Variants in NMU observed in about 807,000 individuals in gnomAD.
The protein encoded by NMU is neuromedin U, also known as neuromedin-U.
NMU carries 29 observed loss-of-function variants against 35.4 expected under a neutral mutation model. That is an observed-to-expected ratio of 0.82 (90% CI 0.61 to 1.12). NMU has a LOEUF of 1.12. Ranked by LOEUF, NMU falls within the 50% of genes most tolerant of loss-of-function variation. The pLI, the probability that NMU is intolerant of heterozygous loss-of-function variation, is 0.00. For synonymous variants in NMU, 78 were observed against 81.3 expected, an observed-to-expected ratio of 0.96 and a Z score of 0.22; for missense variants, 199 against 206.2, an observed-to-expected ratio of 0.97 and a Z score of 0.21.
intron 2 of NMU, among the ~76,000 whole-genome samples, chr4:55,628,635 A>C (rs1734634921): frequency 6.6e-6 from 1 of 151,714 alleles, no homozygotes; most frequent in South Asian, 2.1e-4. Flanking sequence ...AGTAGCTGGG[A>C]TTACAGGCAC....
Position 55,605,354 on chromosome 4 carries a change from G to T in NMU, c.361-5C>A. On this transcript the variant is annotated splice_polypyrimidine_tract_variant and splice_region_variant and intron_variant, in intron 6 of 9. Coordinates refer to ENST00000264218, the MANE Select transcript of NMU (RefSeq NM_006681.4). Reference sequence around the variant, plus strand: ...CAACGGATGCACAACTGACGACTGAGAGGACATGAACACACACGTGAATAA... The same window carrying T: ...CAACGGATGCACAACTGACGACTGATAGGACATGAACACACACGTGAATAA... The T allele has an allele frequency of 6.2e-7, 1 of 1,609,426 alleles. No individual in the cohort carries two copies. Among genetic ancestry groups the T allele is most frequent in the Non-Finnish European group, 8.5e-7 (1 of 1,175,666 alleles).
chr4:55,636,189 G>A lies in NMU; in HGVS notation c.4C>T (p.Leu2=). ...CTGGGGCGGCAGCTCTCTGTTCGCA[G>A]CATCTCGGCGGCTGCGGGAGGCTCG... M[L]RTESCRPRSP... is the part of the protein sequence containing the mutation. Residue 2 remains leucine (L), a synonymous_variant, in exon 1 of 10, where the codon CTG becomes TTG. Transcript: ENST00000264218. The surrounding 1 kb of genome is among the most constrained non-coding windows in gnomAD (Gnocchi z 4.0). 6.7e-7 allele frequency: 1 copy of A among 1,490,168 alleles called. No individual in the cohort carries two copies. Among genetic ancestry groups the A allele is most frequent in the Non-Finnish European group, 8.9e-7 (1 of 1,128,884 alleles). The allele number at this position is 1,490,168 out of a possible 1,614,324, so 92.3% of individuals were successfully genotyped here. A position where few individuals can be genotyped will look rare whatever the true frequency, so the allele number is the denominator to read the frequency against.
chr4:55,598,627 G>A (rs964105216), intron 9 of NMU, among the ~76,000 whole-genome samples: 1 of 152,062 alleles, frequency 6.6e-6, no homozygotes, highest in Non-Finnish European at 1.5e-5. Context: ...CAAAAGAAGA[G>A]GTAACATTCT....
At chr4:55,600,787 C>T (rs1476965057) in intron 7 of NMU, among the ~76,000 whole-genome samples, 1 of 152,034 alleles carries the variant, frequency 6.6e-6, no homozygotes, top group Admixed American at 6.6e-5. Context: ...AAATAATTTC[C>T]TTGTCAGTGT....
intron 8 of NMU, among the ~76,000 whole-genome samples, chr4:55,600,061 T>C (rs1310416540): frequency 1.3e-5 from 2 of 152,182 alleles, no homozygotes; most frequent in South Asian, 2.1e-4. Flanking sequence ...ATAGACAATG[T>C]GGACAAACAA....
chr4:55,604,679 A>ATTTTTTTTTTTTTTTTCTTTTTTTTTTT (rs1733604856), intron 7 of NMU, among the ~76,000 whole-genome samples: 1 of 47,610 alleles, frequency 2.1e-5, no homozygotes, highest in Non-Finnish European at 3.2e-5. Flanking sequence ...TGCCTGGCTA[A>ATTTTTTTTTTTTTTTTCTTTTTTTTTTT]TTTTTTTTTT....
At chr4:55,627,238 A>C (rs2412667) in intron 2 of NMU, among the ~76,000 whole-genome samples, 141,685 of 151,994 alleles carry the variant, frequency 0.93, 66,553 homozygotes, top group East Asian at 1. Context: ...TGTTCTTGTG[A>C]AATTACCATG....
At chr4:55,631,510 T>C (rs1243041812) in intron 1 of NMU, among the ~76,000 whole-genome samples, 2 of 152,008 alleles carry the variant, frequency 1.3e-5, no homozygotes, top group Non-Finnish European at 2.9e-5. Context: ...GCAAAGGACA[T>C]GAATAGACAT....
chr4:55,629,417 G>A (rs1734670002), intron 2 of NMU, among the ~76,000 whole-genome samples: 2 of 151,444 alleles, frequency 1.3e-5, no homozygotes, highest in Non-Finnish European at 2.9e-5. Flanking sequence ...TCAAGAGATG[G>A]AGACCATCCT....
In NMU at chr4:55,630,454, G is replaced by T. The variant is rs529911542; in HGVS notation, c.119C>A (p.Pro40Gln). Reference protein sequence around the residue: ...AWCAGACRGAPILPQGLQPEQ... With the variant: ...AWCAGACRGAQILPQGLQPEQ... ...AGGCTGTAATCCTTGAGGTAATATTGGAGCACCTAAAAATAAAGTTGTAGC... is the reference window on the plus strand; with the variant it reads ...AGGCTGTAATCCTTGAGGTAATATTTGAGCACCTAAAAATAAAGTTGTAGC... The change falls in exon 2 of 10, where the codon CCA becomes CAA. Residue 40 changes from proline to glutamine, a missense_variant. Coordinates refer to ENST00000264218, the MANE Select transcript of NMU (RefSeq NM_006681.4). 6.2e-7 allele frequency: 1 copy of T among 1,610,770 alleles called. No individual in the cohort carries two copies. The highest frequency in any genetic ancestry group is 1.3e-5 in the African/African-American group (1 of 74,892).
intron 3 of NMU, among the ~76,000 whole-genome samples, chr4:55,610,923 C>G (rs538892569): frequency 1.3e-5 from 2 of 151,962 alleles, no homozygotes; most frequent in African/African-American, 4.8e-5. Flanking sequence ...TTTTTAACAA[C>G]AAAGTTTAAA....
chr4:55,626,548 T>C (rs1372409518), intron 2 of NMU, among the ~76,000 whole-genome samples: 3 of 152,000 alleles, frequency 2.0e-5, no homozygotes, highest in East Asian at 3.9e-4. Flanking sequence ...CCACTTAAAA[T>C]ACAAAAAAAT....
intron 1 of NMU, among the ~76,000 whole-genome samples, chr4:55,634,724 T>C (rs919059314): frequency 6.6e-6 from 1 of 152,170 alleles, no homozygotes; most frequent in Non-Finnish European, 1.5e-5. Flanking sequence ...CAATAATATA[T>C]TTAAAATCCT....
chr4:55,601,786 A>C (rs989910891), intron 7 of NMU, among the ~76,000 whole-genome samples: 4 of 152,038 alleles, frequency 2.6e-5, no homozygotes, highest in South Asian at 2.1e-4. Context: ...CAGGAGTTTG[A>C]GACCAGCCTG....
At chr4:55,595,443 A>G (rs1218129060) in intron 9 of NMU, 32 bp from the exon 10 acceptor site, 2 of 151,362 alleles carry the variant, frequency 1.3e-5, no homozygotes, top group Admixed American at 6.6e-5. Flanking sequence ...ATTAAAGTGT[A>G]AATGACCACG....
At chr4:55,619,786 C>T (rs1446501243) in intron 2 of NMU, among the ~76,000 whole-genome samples, 140 of 146,822 alleles carry the variant, frequency 9.5e-4, no homozygotes, top group African/African-American at 3.0e-3. Flanking sequence ...TTGAATAGAG[C>T]AGTGGTTCTC....
intron 2 of NMU, among the ~76,000 whole-genome samples, chr4:55,627,434 A>G (rs1734578769): frequency 6.6e-6 from 1 of 151,562 alleles, no homozygotes; most frequent in African/African-American, 2.4e-5. Flanking sequence ...TTGGGATTGC[A>G]TTGATTTTAT....
chr4:55,630,445 G>A lies in NMU; in HGVS notation c.128C>T (p.Pro43Leu). ...AGACRGAPIL[P>L]QGLQPEQQLQ... ...CTGTTGTTCAGGCTGTAATCCTTGA[G>A]GTAATATTGGAGCACCTAAAAATAA... Residue 43 changes from proline to leucine, a missense_variant, in exon 2 of 10, where the codon CCT becomes CTT. Pro to Leu is a moderately conservative substitution (Grantham distance 98). Transcript: ENST00000264218. 1 of 1,611,846 alleles carries A rather than the reference G, an allele frequency of 6.2e-7. No individual in the cohort carries two copies. The highest frequency in any genetic ancestry group is 1.3e-5 in the African/African-American group (1 of 74,946).
intron 7 of NMU, among the ~76,000 whole-genome samples, chr4:55,605,042 C>T (rs1052529369): frequency 2.0e-5 from 3 of 152,124 alleles, no homozygotes; most frequent in Non-Finnish European, 2.9e-5. Context: ...TCCAGCTTTC[C>T]TCAATGTCCA....
Sources: allele counts gnomAD v4.1 joint callset (sites outside exome capture counted in the v4.1 genomes callset), GRCh38; gene constraint gnomAD v4.1.1; non-coding constraint Gnocchi (gnomAD v3.1); transcripts MANE v1.5; gene names NCBI Gene and HGNC (gene_info 2026-07-23, HGNC 2026-07-21).